USH2A: variants seen among roughly 807,000 people sequenced by gnomAD.
The protein encoded by USH2A is usherin, also known as Usher syndrome 2A (autosomal recessive, mild).
A neutral mutation model predicts 538.9 loss-of-function variants in USH2A; 443 were observed. The ratio of observed to expected loss-of-function variants is 0.82; its 90% CI spans 0.76 to 0.89. The LOEUF (loss-of-function observed/expected upper bound fraction) is 0.89. USH2A is among the 40% of genes least tolerant of loss of function. USH2A has a pLI of 0.00. For missense variants in USH2A, 6,633 were observed against 6,324.8 expected, an observed-to-expected ratio of 1.05 and a Z score of -1.65; for synonymous variants, 2,413 against 2,273.5, an observed-to-expected ratio of 1.06 and a Z score of -1.75.
chr1:216,247,923 GA>G (rs1360674718), intron 12 of USH2A, among the ~76,000 whole-genome samples: 1 of 151,548 alleles, frequency 6.6e-6, no homozygotes, highest in African/African-American at 2.4e-5. Context: ...GTGAAGCTGG[GA>G]AAAAAGAAAA....
chr1:216,310,823 T>G (rs2037407856), intron 9 of USH2A, among the ~76,000 whole-genome samples: 1 of 152,196 alleles, frequency 6.6e-6, no homozygotes, highest in Non-Finnish European at 1.5e-5. Flanking sequence ...ATTACTGTCT[T>G]GTTAGGGCCA....
intron 24 of USH2A, 108 bp from the exon 25 acceptor site, chr1:216,084,985 C>A: frequency 2.0e-6 from 2 of 1,023,608 alleles, no homozygotes; most frequent in Non-Finnish European, 2.9e-6. Flanking sequence ...GCTCTCACTA[C>A]CTATTTACTG....
At position 215,836,847 on chromosome 1, in the gene USH2A, C is replaced by T. The variant is rs548423250; in HGVS notation, c.9371+1144G>A. ...CTGGGATTACAGGCGTGAGCCACCACGCCCCACCTTGCCTTCTATATTATT... is the reference window on the plus strand; with the variant it reads ...CTGGGATTACAGGCGTGAGCCACCATGCCCCACCTTGCCTTCTATATTATT... On this transcript the variant is annotated intron_variant, in intron 47 of 71. Transcript: ENST00000307340. Among the ~76,000 whole-genome samples, 14 of 151,558 alleles carry T rather than the reference C, an allele frequency of 9.2e-5. No homozygotes were observed. In the South Asian group the frequency reaches 2.1e-3, roughly 23 times the overall value.
At chr1:216,064,409 G>A (rs1330466575) in intron 30 of USH2A, among the ~76,000 whole-genome samples, 1 of 151,978 alleles carries the variant, frequency 6.6e-6, no homozygotes, top group African/African-American at 2.4e-5. Flanking sequence ...CCTTTGGGAT[G>A]TGAGAGGAAA....
intron 21 of USH2A, among the ~76,000 whole-genome samples, chr1:216,114,146 T>C (rs1274984193): frequency 6.6e-6 from 1 of 151,884 alleles, no homozygotes; most frequent in East Asian, 1.9e-4. Context: ...TATATTTAAT[T>C]GATATTAAGA....
intron 32 of USH2A, among the ~76,000 whole-genome samples, chr1:216,017,979 C>T (rs74143907): frequency 0.041 from 6,250 of 152,202 alleles, 357 homozygotes; most frequent in African/African-American, 0.13. Context: ...TTGGCATAGT[C>T]TCATGCTACC....
At chr1:216,175,510 T>C (rs755329627) in intron 20 of USH2A, 28 bp from the exon 21 acceptor site, 3 of 1,611,186 alleles carry the variant, frequency 1.9e-6, no homozygotes, top group Non-Finnish European at 2.5e-6. Context: ...CCTGTTATAT[T>C]CAAGAATTTG....
chr1:216,099,423 G>A (rs757300402), intron 21 of USH2A, among the ~76,000 whole-genome samples: 1 of 151,950 alleles, frequency 6.6e-6, no homozygotes, highest in African/African-American at 2.4e-5. Flanking sequence ...CCCCTATTAA[G>A]TGCACTGAAA....
intron 3 of USH2A, among the ~76,000 whole-genome samples, chr1:216,414,087 A>G (rs372571056): frequency 6.6e-6 from 1 of 152,196 alleles, no homozygotes; most frequent in African/African-American, 2.4e-5. Flanking sequence ...AGGAAATCTT[A>G]TAACTACAGC....
At chr1:215,831,669 C>T (rs930977174) in intron 47 of USH2A, among the ~76,000 whole-genome samples, 1 of 151,896 alleles carries the variant, frequency 6.6e-6, no homozygotes, top group Non-Finnish European at 1.5e-5. Flanking sequence ...AAGTGCAATG[C>T]AACATTTCAA....
chr1:215,634,764 G>A, intron 69 of USH2A, 61 bp from the exon 70 acceptor site: 2 of 1,613,320 alleles, frequency 1.2e-6, no homozygotes, highest in Non-Finnish European at 1.7e-6. Flanking sequence ...TGTCATCTCT[G>A]GCCCTGCTAT....
rs78354367 is a variant in USH2A at position 216,240,106 on chromosome 1, C to T, written c.2809+6479G>A. Among the ~76,000 whole-genome samples, 1,296 of 151,332 alleles carry T rather than the reference C, an allele frequency of 8.6e-3. 29 individuals are homozygous for T. The highest frequency in any genetic ancestry group is 0.045 in the Admixed American group (686 of 15,206). ...AGCTAAGCTCTTGCAGTGGAGAGCC[C>T]GACAATAAGCTAATTTATTCAAGTT... On this transcript the variant is annotated intron_variant, in intron 13 of 71. Transcript: ENST00000307340.
At chr1:215,718,740 C>G (rs1479586350) in intron 61 of USH2A, among the ~76,000 whole-genome samples, 1 of 28,428 alleles carries the variant, frequency 3.5e-5, no homozygotes, top group Non-Finnish European at 3.1e-4. Flanking sequence ...TAATAGGGTA[C>G]TTCGGGGCAG....
At chr1:216,322,604 C>CAA (rs202180946) in intron 8 of USH2A, among the ~76,000 whole-genome samples, 1,144 of 72,672 alleles carry the variant, frequency 0.016, 15 homozygotes, top group African/African-American at 0.047. Context: ...AAAAGCCTGT[C>CAA]AAAAAAAAAA....
intron 61 of USH2A, among the ~76,000 whole-genome samples, chr1:215,694,912 C>T (rs1042848298): frequency 6.6e-6 from 1 of 152,144 alleles, no homozygotes; most frequent in African/African-American, 2.4e-5. Flanking sequence ...CAAAATCATA[C>T]TTAATGATAA....
At chr1:216,235,655 C>A (rs1254241092) in intron 13 of USH2A, among the ~76,000 whole-genome samples, 2 of 152,170 alleles carry the variant, frequency 1.3e-5, no homozygotes, top group African/African-American at 2.4e-5. Context: ...CAGTACTTGT[C>A]CTGGGCATAA....
intron 26 of USH2A, 68 bp from the exon 27 acceptor site, chr1:216,078,430 C>T: frequency 6.8e-7 from 1 of 1,466,734 alleles, no homozygotes; most frequent in Admixed American, 1.8e-5. Context: ...TGGGAGAGAG[C>T]AGAAAGTCAA....
At chr1:216,232,742 C>T (rs1018496282) in intron 13 of USH2A, among the ~76,000 whole-genome samples, 2 of 152,156 alleles carry the variant, frequency 1.3e-5, no homozygotes, top group African/African-American at 2.4e-5. Context: ...CACTCTTCAT[C>T]CCCGCTACGA....
intron 3 of USH2A, among the ~76,000 whole-genome samples, chr1:216,398,738 G>T (rs531019948): frequency 9.9e-5 from 15 of 152,224 alleles, no homozygotes; most frequent in South Asian, 4.2e-4. Context: ...TATTCCCACT[G>T]GCAGAAGCAG....
Sources: gnomAD v4.1 joint callset for allele counts (sites outside exome capture counted in the v4.1 genomes callset) on GRCh38, gnomAD v4.1.1 for gene constraint, MANE v1.5 for transcripts, NCBI Gene and HGNC (gene_info 2026-07-23, HGNC 2026-07-21) for gene names.